The following SCD5 variants were observed in gnomAD, a reference collection of about 807,000 sequenced individuals.
SCD5 encodes stearoyl-CoA desaturase 5, also known as acyl-CoA-desaturase 4.
A neutral mutation model predicts 30.4 loss-of-function variants in SCD5; 20 were observed. The ratio of observed to expected loss-of-function variants is 0.66; its 90% CI spans 0.46 to 0.96. The LOEUF (loss-of-function observed/expected upper bound fraction) is 0.96, where lower values mean the gene tolerates loss of function less well. Ranked by LOEUF, SCD5 falls within the 40% of genes least tolerant of loss-of-function variation. The probability of loss-of-function intolerance (pLI) is 0.00; values close to 1 mark genes in which losing one functional copy is unlikely to be tolerated. For synonymous variants in SCD5, 173 were observed against 176.4 expected (o/e 0.98, Z 0.16); for missense variants, 381 against 443.3 (o/e 0.86, Z 1.26).
intron 2 of SCD5, among the ~76,000 whole-genome samples, chr4:82,688,288 ACATGTG>A (rs939351515): frequency 2.2e-4 from 34 of 152,242 alleles, no homozygotes; most frequent in African/African-American, 8.2e-4. Flanking sequence ...GCATGCATGT[ACATGTG>A]CATGTGCGTG....
chr4:82,670,333 A>G (rs184952854), intron 3 of SCD5, among the ~76,000 whole-genome samples: 17 of 152,228 alleles, frequency 1.1e-4, no homozygotes, highest in African/African-American at 4.1e-4. Flanking sequence ...CAGAACCACA[A>G]AGAAATGATA....
At chr4:82,698,613 C>T (rs1719748416) in intron 2 of SCD5, among the ~76,000 whole-genome samples, 1 of 152,162 alleles carries the variant, frequency 6.6e-6, no homozygotes, top group Admixed American at 6.5e-5. Flanking sequence ...TGATGTGGCC[C>T]CCATCCCCCA....
intron 1 of SCD5, among the ~76,000 whole-genome samples, chr4:82,746,745 C>G (rs1370392969): frequency 6.6e-6 from 1 of 151,854 alleles, no homozygotes; most frequent in Non-Finnish European, 1.5e-5. Flanking sequence ...AACATTGATA[C>G]GGGAAAGAGC....
chr4:82,670,215 C>T (rs1728279838), intron 3 of SCD5, among the ~76,000 whole-genome samples: 1 of 152,084 alleles, frequency 6.6e-6, no homozygotes, highest in African/African-American at 2.4e-5. Context: ...AATTGTCACA[C>T]AGGAATTTAA....
At chr4:82,756,246 G>C (rs767775016) in intron 1 of SCD5, among the ~76,000 whole-genome samples, 1 of 152,212 alleles carries the variant, frequency 6.6e-6, no homozygotes, top group Non-Finnish European at 1.5e-5. Context: ...CAGTGGTGGG[G>C]ATGGTGGGTC....
At chr4:82,681,178 G>C (rs1309695184) in intron 2 of SCD5, among the ~76,000 whole-genome samples, 3 of 152,148 alleles carry the variant, frequency 2.0e-5, no homozygotes, top group Admixed American at 2.0e-4. Flanking sequence ...CTTGTTGGGT[G>C]AATTAGTGCA....
At chr4:82,682,904 C>G (rs1283594508) in intron 2 of SCD5, among the ~76,000 whole-genome samples, 2 of 152,206 alleles carry the variant, frequency 1.3e-5, no homozygotes, top group Non-Finnish European at 2.9e-5. Context: ...AAACCTCCGC[C>G]TCCTGGGTTC....
At chr4:82,779,206 A>G (rs1453288761) in intron 1 of SCD5, among the ~76,000 whole-genome samples, 1 of 151,506 alleles carries the variant, frequency 6.6e-6, no homozygotes, top group Non-Finnish European at 1.5e-5. Context: ...ATCCTCAACT[A>G]TGTGGGTGTG....
In SCD5 at chr4:82,636,231, A is replaced by G. The variant is rs57323343; in HGVS notation, c.802+360T>C. Among the ~76,000 whole-genome samples the G allele has an allele frequency of 7.6e-4, 116 of 152,140 alleles. 2 individuals carry two copies. In the East Asian group the frequency reaches 0.02, roughly 27 times the overall value. ...CAAGGAGGGCAGATCACTTGGGGTCAGGAGTTTGAGACCATCCTGGCCACC... is the reference window on the plus strand; with the variant it reads ...CAAGGAGGGCAGATCACTTGGGGTCGGGAGTTTGAGACCATCCTGGCCACC... On this transcript the variant is annotated intron_variant, in intron 4 of 4. Coordinates refer to ENST00000319540, the MANE Select transcript of SCD5 (RefSeq NM_001037582.3).
chr4:82,666,470 G>A (rs999961255), intron 3 of SCD5, among the ~76,000 whole-genome samples: 2 of 151,556 alleles, frequency 1.3e-5, no homozygotes, highest in Admixed American at 6.6e-5. Context: ...GAGCCGGATC[G>A]CGCCACTGCA....
At position 82,716,702 on chromosome 4, in the gene SCD5, T is replaced by C. The variant is rs977189940; in HGVS notation, c.233-11289A>G. On this transcript the variant is annotated intron_variant, in intron 1 of 4. Coordinates refer to ENST00000319540, the MANE Select transcript of SCD5 (RefSeq NM_001037582.3). ...GGTGGCGTACGCCTGTAATCCCAGC[T>C]ACTCAGGAGGCTGAGGCAGGAGAAT... is the stretch of plus-strand genomic sequence containing the variant. Among the ~76,000 whole-genome samples, 4 of 151,710 alleles carry C rather than the reference T, an allele frequency of 2.6e-5. No individual in the cohort carries two copies. In the South Asian group the frequency reaches 6.2e-4, roughly 24 times the overall value.
intron 1 of SCD5, among the ~76,000 whole-genome samples, chr4:82,736,661 CT>C (rs1720759407): frequency 6.6e-6 from 1 of 151,728 alleles, no homozygotes; most frequent in Non-Finnish European, 1.5e-5. Context: ...TTACAACATA[CT>C]TTTGGGGTTT....
At chr4:82,700,974 T>C (rs769294160) in intron 2 of SCD5, among the ~76,000 whole-genome samples, 1 of 152,172 alleles carries the variant, frequency 6.6e-6, no homozygotes. Flanking sequence ...ACTTTTATTA[T>C]TCTTATTCTT....
chr4:82,698,329 C>A lies in SCD5; in HGVS notation c.363+6954G>T, dbSNP rs112504384. ...GTTCTCTTCTACACAACCGCCACTG[C>A]ATGCTGCTGCTAACAGCATGAGCTG... On this transcript the variant is annotated intron_variant, in intron 2 of 4. Transcript: ENST00000319540. Among the ~76,000 whole-genome samples the A allele has an allele frequency of 1.0e-3, 156 of 152,284 alleles. 2 individuals are homozygous for A. The highest frequency in any genetic ancestry group is 3.4e-3 in the Middle Eastern group (1 of 294).
In SCD5 at chr4:82,786,071, A is replaced by G. The variant is rs1344343133; in HGVS notation, c.232+12235T>C. On this transcript the variant is annotated intron_variant, in intron 1 of 4. Transcript: ENST00000319540. ...CTAACTTCATGCATGGAAGTTTGAA[A>G]GTAAGAATATTTTCCATTATCTACC... 2.6e-5 allele frequency among the ~76,000 whole-genome samples: 4 copies of G among 152,342 alleles called. No individual in the cohort carries two copies. In the East Asian group the frequency reaches 7.7e-4, roughly 29 times the overall value.
intron 1 of SCD5, among the ~76,000 whole-genome samples, chr4:82,764,730 C>CTT (rs34219216): frequency 0.17 from 24,685 of 143,102 alleles, 2,780 homozygotes; most frequent in African/African-American, 0.32. Context: ...TCTTTTCTTT[C>CTT]TTTTTTTTTT....
chr4:82,633,984 C>A (rs1179786225), intron 4 of SCD5, among the ~76,000 whole-genome samples: 4 of 151,888 alleles, frequency 2.6e-5, no homozygotes, highest in African/African-American at 9.7e-5. Context: ...TCAGACACTT[C>A]ATAAAAATAA....
At chr4:82,668,073 T>C (rs1430863137) in intron 3 of SCD5, among the ~76,000 whole-genome samples, 1 of 152,188 alleles carries the variant, frequency 6.6e-6, no homozygotes, top group Non-Finnish European at 1.5e-5. Context: ...AGAGTCTTGC[T>C]GAGCAATAGG....
chr4:82,647,919 G>A (rs1727665332), intron 3 of SCD5, among the ~76,000 whole-genome samples: 1 of 151,490 alleles, frequency 6.6e-6, no homozygotes, highest in African/African-American at 2.4e-5. Context: ...CATTTTTTTT[G>A]CCCTCTTAAT....
Sources: gnomAD v4.1 joint callset for allele counts (sites outside exome capture counted in the v4.1 genomes callset) on GRCh38, gnomAD v4.1.1 for gene constraint, MANE v1.5 for transcripts, NCBI Gene and HGNC (gene_info 2026-07-23, HGNC 2026-07-21) for gene names.